Variants in CEP112 observed in about 807,000 individuals in gnomAD.
The protein encoded by CEP112 is centrosomal protein of 112 kDa.
Under a neutral mutation model 153.0 loss-of-function variants are expected in CEP112, and 127 were observed. The observed-to-expected ratio is 0.83, with a 90% confidence interval of 0.72 to 0.96. The LOEUF is 0.96. Among genes scored for constraint, CEP112 ranks in the 40% least tolerant of loss-of-function variants. The probability of loss-of-function intolerance (pLI) is 0.00; values close to 1 mark genes in which losing one functional copy is unlikely to be tolerated. For missense variants in CEP112, 1,089 were observed against 1,101.2 expected (o/e 0.99, Z 0.16); for synonymous variants, 358 against 374.4 (o/e 0.96, Z 0.51).
chr17:66,092,729 T>C (rs2068190452), intron 8 of CEP112, among the ~76,000 whole-genome samples: 1 of 152,178 alleles, frequency 6.6e-6, no homozygotes, highest in Admixed American at 6.5e-5. Context: ...TATGCAAATC[T>C]ATACATGTTG....
chr17:65,824,120 T>G (rs1170628009), intron 21 of CEP112, among the ~76,000 whole-genome samples: 1 of 152,216 alleles, frequency 6.6e-6, no homozygotes, highest in Non-Finnish European at 1.5e-5. Context: ...TAAATTAAAG[T>G]GCATATTCAC....
chr17:65,816,185 C>A (rs548759316), intron 21 of CEP112, among the ~76,000 whole-genome samples: 1 of 152,070 alleles, frequency 6.6e-6, no homozygotes, highest in Non-Finnish European at 1.5e-5. Context: ...ATATAAATCA[C>A]ATACCATAAA....
chr17:65,867,992 A>G (rs575029435), intron 20 of CEP112, among the ~76,000 whole-genome samples: 31 of 151,940 alleles, frequency 2.0e-4, no homozygotes, highest in African/African-American at 7.5e-4. Flanking sequence ...GTTATTTATA[A>G]CATAAAATCG....
chr17:65,971,662 A>G (rs565902406), intron 17 of CEP112, among the ~76,000 whole-genome samples: 52 of 122,250 alleles, frequency 4.3e-4, no homozygotes, highest in African/African-American at 1.2e-3. Context: ...TGTCACATGC[A>G]TGTATGTTAC....
At chr17:66,033,363 C>T (rs1425938984) in intron 12 of CEP112, among the ~76,000 whole-genome samples, 1 of 152,150 alleles carries the variant, frequency 6.6e-6, no homozygotes, top group Non-Finnish European at 1.5e-5. Context: ...AGGAAATGAT[C>T]CTTTTAAAGC....
chr17:66,075,647 T>C (rs748299456), intron 8 of CEP112, among the ~76,000 whole-genome samples: 7 of 152,072 alleles, frequency 4.6e-5, no homozygotes, highest in Non-Finnish European at 8.8e-5. Context: ...TAAGAGACTG[T>C]TAAAAAATTA....
chr17:65,919,994 T>C (rs1399187857), intron 19 of CEP112, among the ~76,000 whole-genome samples: 1 of 152,034 alleles, frequency 6.6e-6, no homozygotes, highest in Admixed American at 6.6e-5. Flanking sequence ...CTCAAATGGA[T>C]GTACTTCAGT....
intron 17 of CEP112, among the ~76,000 whole-genome samples, chr17:65,971,532 A>G (rs2062814371): frequency 6.6e-6 from 1 of 151,422 alleles, no homozygotes; most frequent in Admixed American, 6.6e-5. Context: ...TGTATCACCT[A>G]AATGTATGTT....
chr17:65,992,719 T>C (rs1175569090), intron 17 of CEP112, among the ~76,000 whole-genome samples: 1 of 152,196 alleles, frequency 6.6e-6, no homozygotes, highest in African/African-American at 2.4e-5. Context: ...CCTTGAGATA[T>C]TTTTCACCAA....
chr17:66,169,386 C>T (rs1056227312), intron 4 of CEP112, among the ~76,000 whole-genome samples: 1 of 149,114 alleles, frequency 6.7e-6, no homozygotes, highest in Non-Finnish European at 1.5e-5. Flanking sequence ...TGGGTTCAAG[C>T]GATTCTCCTG....
Position 66,029,268 on chromosome 17 carries a change from T to TA in CEP112, c.1374-17dup. On this transcript the variant is annotated splice_polypyrimidine_tract_variant and intron_variant, in intron 13 of 26. Coordinates refer to ENST00000535342, the MANE Select transcript of CEP112 (RefSeq NM_001199165.4). ...TGTGTTACGCCTAAAAACAAGAGAA[T>TA]AAAATAGACTTTCAATGTATTTAAA... 6.3e-7 allele frequency: 1 copy of TA among 1,599,578 alleles called. No homozygotes were observed. The highest frequency in any genetic ancestry group is 8.5e-7 in the Non-Finnish European group (1 of 1,173,704).
intron 20 of CEP112, among the ~76,000 whole-genome samples, chr17:65,867,281 A>G (rs62065116): frequency 0.14 from 21,512 of 152,094 alleles, 1,557 homozygotes; most frequent in African/African-American, 0.16. Flanking sequence ...CTCACATACT[A>G]TTCACCACTT....
At chr17:66,029,737 A>G (rs1041161797) in intron 13 of CEP112, 132 bp downstream of exon 13, 7 of 596,410 alleles carry the variant, frequency 1.2e-5, no homozygotes, top group Non-Finnish European at 1.8e-5. Flanking sequence ...CAAACAAACA[A>G]ACAGCAGTAT....
intron 24 of CEP112, among the ~76,000 whole-genome samples, chr17:65,681,675 ATT>A (rs5821583): frequency 1.1e-4 from 15 of 133,412 alleles, no homozygotes; most frequent in Non-Finnish European, 1.4e-4. Context: ...CCTTTTTTTA[ATT>A]TTTTTTTTTT....
At chr17:65,672,526 T>A (rs1192349353) in intron 24 of CEP112, among the ~76,000 whole-genome samples, 1 of 152,260 alleles carries the variant, frequency 6.6e-6, no homozygotes, top group Non-Finnish European at 1.5e-5. Context: ...TACATATTAG[T>A]ACTCTTCAGA....
intron 24 of CEP112, among the ~76,000 whole-genome samples, chr17:65,686,113 C>CT (rs35816434): frequency 0.065 from 6,793 of 104,200 alleles, 448 homozygotes; most frequent in South Asian, 0.11. Flanking sequence ...AAACAACTGG[C>CT]TTTTTTTTTT....
At chr17:65,673,709 T>C (rs1598277568) in intron 24 of CEP112, among the ~76,000 whole-genome samples, 1 of 151,892 alleles carries the variant, frequency 6.6e-6, no homozygotes, top group African/African-American at 2.4e-5. Flanking sequence ...GGTTAGAGAG[T>C]ACCTTCCTAA....
At position 65,637,187 on chromosome 17, in the gene CEP112, A is replaced by G; in HGVS notation, c.2801T>C (p.Val934Ala). The G allele has an allele frequency of 6.2e-7, 1 of 1,613,204 alleles. No homozygotes were observed. The highest frequency in any genetic ancestry group is 8.5e-7 in the Non-Finnish European group (1 of 1,179,144). Residue 934 changes from valine (V) to alanine (A), a missense_variant and splice_region_variant, in exon 26 of 27, where the codon GTT becomes GCT. By Grantham distance (64) the Val-to-Ala change is moderately conservative. Transcript: ENST00000535342. ...GGAAGCTCTCTTTTGCAGAAAATTA[A>G]CCTAGAAAAGACACCTTGTGTGAGA... ...EDTISSLKSQ[V>A]NFLQKRASIL...
At chr17:65,920,237 T>C (rs555130133) in intron 19 of CEP112, among the ~76,000 whole-genome samples, 25 of 149,906 alleles carry the variant, frequency 1.7e-4, no homozygotes, top group Admixed American at 6.0e-4. Flanking sequence ...TCCCAGCTAC[T>C]TGGGAGGCTG....
Sources: gnomAD v4.1 joint callset for allele counts (sites outside exome capture counted in the v4.1 genomes callset) on GRCh38, gnomAD v4.1.1 for gene constraint, MANE v1.5 for transcripts, NCBI Gene and HGNC (gene_info 2026-07-23, HGNC 2026-07-21) for gene names.